Variants in WDFY4 observed in about 807,000 individuals in gnomAD.
WDFY4 encodes the protein WDFY family member 4.
A neutral mutation model predicts 351.9 loss-of-function variants in WDFY4; 169 were observed. The ratio of observed to expected loss-of-function variants is 0.48; its 90% CI spans 0.42 to 0.55. WDFY4 has a LOEUF of 0.55. Among genes scored for constraint, WDFY4 ranks in the 20% least tolerant of loss-of-function variants. The pLI is 0.00. For synonymous variants in WDFY4, 1,622 were observed against 1,574.6 expected, an observed-to-expected ratio of 1.03 and a Z score of -0.71; for missense variants, 3,803 against 3,935.6, an observed-to-expected ratio of 0.97 and a Z score of 0.90.
intron 10 of WDFY4, among the ~76,000 whole-genome samples, chr10:48,734,724 G>C (rs532143193): frequency 2.6e-5 from 4 of 151,640 alleles, no homozygotes; most frequent in South Asian, 4.2e-4. Flanking sequence ...CATATTCCTA[G>C]GCTCACAGCC....
intron 21 of WDFY4, 39 bp downstream of exon 21, chr10:48,788,714 C>T (rs1565200584): frequency 2.6e-6 from 4 of 1,547,376 alleles, no homozygotes; most frequent in East Asian, 2.4e-5. Context: ...CTGTTGGAAT[C>T]TGGTTTCATG....
At chr10:48,723,606 C>A in intron 5 of WDFY4, 39 bp downstream of exon 5, 1 of 1,550,342 alleles carries the variant, frequency 6.5e-7, no homozygotes, top group Non-Finnish European at 8.7e-7. Context: ...TGGGTCAAAA[C>A]CTCACTTCGG....
chr10:48,829,557 A>T (rs2068117806), intron 37 of WDFY4, among the ~76,000 whole-genome samples: 1 of 152,154 alleles, frequency 6.6e-6, no homozygotes, highest in Non-Finnish European at 1.5e-5. Context: ...GTAATACAAG[A>T]TTGTACACAC....
chr10:48,715,589 AT>A (rs1323555634), intron 2 of WDFY4, among the ~76,000 whole-genome samples: 1 of 152,184 alleles, frequency 6.6e-6, no homozygotes, highest in Admixed American at 6.5e-5. Context: ...GATAAACACC[AT>A]TAAATACAAT....
intron 40 of WDFY4, among the ~76,000 whole-genome samples, chr10:48,869,998 G>T (rs1377888251): frequency 6.6e-6 from 1 of 152,218 alleles, no homozygotes; most frequent in African/African-American, 2.4e-5. Flanking sequence ...AGCAGCGCTG[G>T]ATCAAGTTCC....
At chr10:48,943,505 A>G (rs1840888933) in intron 49 of WDFY4, 56 bp downstream of exon 49, 5 of 1,527,628 alleles carry the variant, frequency 3.3e-6, no homozygotes, top group Middle Eastern at 1.9e-4. Flanking sequence ...CGTTGATAAC[A>G]GAGACCCTAA....
intron 5 of WDFY4, among the ~76,000 whole-genome samples, chr10:48,725,292 CA>C (rs1279407836): frequency 6.6e-6 from 1 of 152,150 alleles, no homozygotes; most frequent in Non-Finnish European, 1.5e-5. Flanking sequence ...GGGGGAGCTG[CA>C]GTGGATAAAG....
At chr10:48,691,004 G>A (rs1420163661) in intron 1 of WDFY4, among the ~76,000 whole-genome samples, 1 of 152,200 alleles carries the variant, frequency 6.6e-6, no homozygotes, top group Non-Finnish European at 1.5e-5. Context: ...GCCCCCTGCT[G>A]CCTTCCATGG....
chr10:48,816,922 T>C (rs2067638204), intron 31 of WDFY4, among the ~76,000 whole-genome samples: 1 of 152,202 alleles, frequency 6.6e-6, no homozygotes, highest in African/African-American at 2.4e-5. Flanking sequence ...AAGCATCATC[T>C]ACCCAATACA....
Position 48,778,498 on chromosome 10 carries a change from C to T in WDFY4, c.3176-113C>T, listed in dbSNP as rs2066110616. 2.8e-6 allele frequency: 3 copies of T among 1,065,884 alleles called. No individual in the cohort carries two copies. In the South Asian group the frequency reaches 4.6e-5, roughly 16 times the overall value. The allele number at this position is 1,065,884 out of a possible 1,614,324, so 66.0% of individuals were successfully genotyped here. A position where few individuals can be genotyped will look rare whatever the true frequency, so the allele number is the denominator to read the frequency against. On this transcript the variant is annotated intron_variant, in intron 17 of 61. Coordinates refer to ENST00000325239, the MANE Select transcript of WDFY4 (RefSeq NM_001394531.1). The stretch of plus-strand genomic sequence containing the variant: ...GGGGAGGAGACAACTGGTGATTAGG[C>T]AAGACACCCAGTAGGTGCTGCACCT...
intron 44 of WDFY4, among the ~76,000 whole-genome samples, chr10:48,891,612 A>G (rs1311766242): frequency 6.6e-6 from 1 of 152,212 alleles, no homozygotes; most frequent in African/African-American, 2.4e-5. Context: ...CTCTCAAACT[A>G]GCTGACACCA....
intron 1 of WDFY4, among the ~76,000 whole-genome samples, chr10:48,686,315 CAAA>C (rs371080036): frequency 1.0e-5 from 1 of 99,084 alleles, no homozygotes; most frequent in Non-Finnish European, 1.9e-5. Flanking sequence ...ACTCCATCTC[CAAA>C]AAAAAAAAAA....
chr10:48,976,230 G>T (rs1842562994), intron 58 of WDFY4, among the ~76,000 whole-genome samples: 1 of 152,232 alleles, frequency 6.6e-6, no homozygotes, highest in Non-Finnish European at 1.5e-5. Flanking sequence ...GGACCTTGGT[G>T]ACAGTGGCCA....
Position 48,760,335 on chromosome 10 carries a change from C to A in WDFY4, c.2460-12C>A. ...GTCCGTGTCTCATGTCTGGCTCTCC[C>A]TCTCTCTGCAGGATGGATGAGGGAG... On this transcript the variant is annotated splice_polypyrimidine_tract_variant and intron_variant, in intron 12 of 61. Transcript: ENST00000325239. 1.3e-6 allele frequency: 2 copies of A among 1,551,172 alleles called. No individual in the cohort carries two copies. Among genetic ancestry groups the A allele is most frequent in the Non-Finnish European group, 1.7e-6 (2 of 1,146,694 alleles).
intron 19 of WDFY4, among the ~76,000 whole-genome samples, chr10:48,783,274 A>G (rs952300316): frequency 6.6e-6 from 1 of 152,168 alleles, no homozygotes; most frequent in Non-Finnish European, 1.5e-5. Context: ...TAAGCTCTAG[A>G]TGATTTATAA....
chr10:48,751,537 C>T (rs1273749285), intron 12 of WDFY4, among the ~76,000 whole-genome samples: 1 of 152,108 alleles, frequency 6.6e-6, no homozygotes. Context: ...GCCTTGGTAA[C>T]CAATTTGATG....
At chr10:48,750,833 C>T (rs1369484508) in intron 12 of WDFY4, among the ~76,000 whole-genome samples, 2 of 152,246 alleles carry the variant, frequency 1.3e-5, no homozygotes, top group East Asian at 3.8e-4. Context: ...GTGTTCAAAT[C>T]TCTTTCTTCT....
intron 10 of WDFY4, among the ~76,000 whole-genome samples, chr10:48,734,725 G>T (rs10776642): frequency 0.42 from 63,109 of 150,982 alleles, 13,734 homozygotes; most frequent in Middle Eastern, 0.55. Flanking sequence ...ATATTCCTAG[G>T]CTCACAGCCA....
Position 48,743,358 on chromosome 10 carries a change from C to T in WDFY4, c.2269C>T (p.Pro757Ser), listed in dbSNP as rs1328129619. The part of the protein sequence containing the change: ...GTAFSSSGSL[P>S]PRIQSCLQIL... The stretch of plus-strand genomic sequence containing the variant: ...TGCCTTTTCCTCCAGCGGCTCACTC[C>T]CACCCCGGATACAGAGCTGCCTCCA... Residue 757 changes from proline (P) to serine (S), a missense_variant, in exon 12 of 62, where the codon CCA becomes TCA. Transcript: ENST00000325239. 1 of 1,551,652 alleles carries T rather than the reference C, an allele frequency of 6.4e-7. No individual in the cohort carries two copies. Among genetic ancestry groups the T allele is most frequent in the Admixed American group, 2.0e-5 (1 of 51,004 alleles).
Sources: gnomAD v4.1 joint callset for allele counts (sites outside exome capture counted in the v4.1 genomes callset) on GRCh38, gnomAD v4.1.1 for gene constraint, MANE v1.5 for transcripts, NCBI Gene and HGNC (gene_info 2026-07-23, HGNC 2026-07-21) for gene names.